Variants in HOOK3 observed in about 807,000 individuals in gnomAD.
The protein encoded by HOOK3 is hook microtubule tethering protein 3.
HOOK3 carries 24 observed loss-of-function variants against 116.3 expected under a neutral mutation model. That is an observed-to-expected ratio of 0.21 (90% CI 0.15 to 0.29). HOOK3 has a LOEUF of 0.29. HOOK3 is among the 10% of genes least tolerant of loss of function. The pLI is 1.00. For synonymous variants in HOOK3, 275 were observed against 283.0 expected, an observed-to-expected ratio of 0.97 and a Z score of 0.28; for missense variants, 632 against 830.2, an observed-to-expected ratio of 0.76 and a Z score of 2.93.
chr8:42,925,610 G>A lies in HOOK3; in HGVS notation c.197G>A (p.Gly66Glu). The A allele has an allele frequency of 6.3e-7, 1 of 1,597,714 alleles. No individual in the cohort carries two copies. Among genetic ancestry groups the A allele is most frequent in the African/African-American group, 1.3e-5 (1 of 74,578 alleles). The change falls in exon 3 of 22, where the codon GGA (glycine) becomes GAA (glutamate). Residue 66 changes from glycine (G) to glutamate (E), a missense_variant. Physicochemically the swap from Gly to Glu is moderately conservative, Grantham distance 98. Coordinates refer to ENST00000307602, the MANE Select transcript of HOOK3 (RefSeq NM_032410.4). ...NWLNRIKTEV[G>E]DNWRLKISNL... is the part of the protein sequence containing the mutation. ...CTAAACAGAATCAAAACTGAAGTAG[G>A]AGATAATTGGAGGCTAAAGGTATTT...
chr8:42,929,405 G>A (rs1270274734), intron 3 of HOOK3, among the ~76,000 whole-genome samples: 3 of 152,142 alleles, frequency 2.0e-5, no homozygotes, highest in Non-Finnish European at 2.9e-5. Context: ...TTTCTAGGAT[G>A]TCTCAACTAC....
intron 17 of HOOK3, among the ~76,000 whole-genome samples, chr8:43,005,938 A>C (rs1586631377): frequency 1.4e-5 from 2 of 144,336 alleles, no homozygotes; most frequent in African/African-American, 2.6e-5. Context: ...CTTGTGATCC[A>C]CCCGCCTTGG....
intron 15 of HOOK3, among the ~76,000 whole-genome samples, chr8:42,996,150 C>T (rs1324709182): frequency 2.0e-5 from 3 of 152,158 alleles, no homozygotes; most frequent in Middle Eastern, 3.4e-3. Context: ...CTTTGGGAGG[C>T]CGAGGCAGGT....
At chr8:42,909,631 T>G (rs550844474) in intron 2 of HOOK3, among the ~76,000 whole-genome samples, 29 of 152,182 alleles carry the variant, frequency 1.9e-4, no homozygotes, top group Non-Finnish European at 2.4e-4. Flanking sequence ...CCCAGCCTTT[T>G]TTGTTGTTGT....
chr8:42,981,177 A>G (rs762668330), intron 13 of HOOK3, among the ~76,000 whole-genome samples: 1 of 150,510 alleles, frequency 6.6e-6, no homozygotes, highest in African/African-American at 2.4e-5. Flanking sequence ...TCAGCCTCCC[A>G]AGTAGCTGGG....
chr8:42,931,496 A>G (rs796463683), intron 4 of HOOK3, among the ~76,000 whole-genome samples: 2 of 146,522 alleles, frequency 1.4e-5, no homozygotes, highest in African/African-American at 5.1e-5. Context: ...CAGTGGCGCA[A>G]TCTCAGCTCA....
At position 43,023,241 on chromosome 8, in the gene HOOK3, T is replaced by C. The variant is rs537053577; in HGVS notation, c.*4743T>C. ...AAAAAAAAAAAAAGAAACATCAGCCTGTATATTCCAGTAGTTCTCACAGAA... is the reference window on the plus strand; with the variant it reads ...AAAAAAAAAAAAAGAAACATCAGCCCGTATATTCCAGTAGTTCTCACAGAA... On this transcript the variant is annotated 3_prime_UTR_variant, in exon 22 of 22. Transcript: ENST00000307602. 34 of 164,976 alleles carry C rather than the reference T, an allele frequency of 2.1e-4. No homozygotes were observed. Among genetic ancestry groups the C allele is most frequent in the Admixed American group, 5.3e-4 (8 of 15,106 alleles). 10.2% of individuals were successfully genotyped at this position (164,976 alleles called of 1,614,324 possible).
chr8:42,975,308 A>G (rs1228843402), intron 13 of HOOK3, among the ~76,000 whole-genome samples: 1 of 152,204 alleles, frequency 6.6e-6, no homozygotes, highest in Non-Finnish European at 1.5e-5. Context: ...TTCATTTCTC[A>G]GTCAGCATTG....
chr8:42,966,437 A>G (rs777764105), intron 9 of HOOK3, 36 bp from the exon 10 acceptor site: 1 of 1,607,780 alleles, frequency 6.2e-7, no homozygotes, highest in South Asian at 1.1e-5. Context: ...GAGGCAGTAA[A>G]TAGTGCTTTC....
chr8:42,939,928 G>A (rs527609719), intron 4 of HOOK3, among the ~76,000 whole-genome samples: 3 of 151,354 alleles, frequency 2.0e-5, no homozygotes, highest in South Asian at 2.1e-4. Flanking sequence ...ATGGGATGGC[G>A]GCCGGGAAGA....
intron 4 of HOOK3, among the ~76,000 whole-genome samples, chr8:42,932,040 A>C (rs1021500925): frequency 6.0e-4 from 91 of 152,054 alleles, no homozygotes; most frequent in Non-Finnish European, 1.0e-3. Flanking sequence ...GTGCCTGGCC[A>C]CCCCATTATA....
chr8:43,013,428 T>C, intron 21 of HOOK3, 28 bp downstream of exon 21: 1 of 1,520,540 alleles, frequency 6.6e-7, no homozygotes, highest in African/African-American at 1.4e-5. Context: ...TGGAGCATAA[T>C]GAAAACTTCA....
At chr8:42,916,520 T>C (rs1026126542) in intron 2 of HOOK3, among the ~76,000 whole-genome samples, 2 of 152,212 alleles carry the variant, frequency 1.3e-5, no homozygotes, top group African/African-American at 4.8e-5. Flanking sequence ...GAATGAGTCC[T>C]TTTAAATTAT....
At chr8:42,933,231 A>ATT (rs1807904507) in intron 4 of HOOK3, among the ~76,000 whole-genome samples, 1 of 152,222 alleles carries the variant, frequency 6.6e-6, no homozygotes, top group Non-Finnish European at 1.5e-5. Context: ...TTAATAATAT[A>ATT]AAAGTGTGAG....
At chr8:43,009,722 A>G (rs1043236544) in intron 18 of HOOK3, among the ~76,000 whole-genome samples, 4 of 152,194 alleles carry the variant, frequency 2.6e-5, no homozygotes, top group Admixed American at 1.3e-4. Flanking sequence ...GTCCAGTGAC[A>G]TTAAGGACAT....
In HOOK3 at chr8:43,018,658, TGTTTTA is replaced by T; in HGVS notation, c.*165_*170del. The T allele has an allele frequency of 1.5e-6, 1 of 689,102 alleles. No homozygotes were observed. Among genetic ancestry groups the T allele is most frequent in the Non-Finnish European group, 2.2e-6 (1 of 462,538 alleles). 42.7% of individuals were successfully genotyped at this position (689,102 alleles called of 1,614,324 possible). A position where few individuals can be genotyped will look rare whatever the true frequency, so the allele number is the denominator to read the frequency against. ...GGACTTTTTCTCTCTCCTGTATCTT[TGTTTTA>T]GTTTCTTTGGTTTTTATTTTGTAGT... is the stretch of plus-strand genomic sequence containing the variant. On this transcript the variant is annotated 3_prime_UTR_variant, in exon 22 of 22. Transcript: ENST00000307602.
intron 13 of HOOK3, among the ~76,000 whole-genome samples, 197 bp from the exon 14 acceptor site, chr8:42,982,430 C>G (rs564815948): frequency 6.6e-6 from 1 of 151,990 alleles, no homozygotes; most frequent in African/African-American, 2.4e-5. Context: ...ATACTGAATG[C>G]CATTCTGTTG....
chr8:42,941,372 G>GT (rs1808119197), intron 4 of HOOK3, among the ~76,000 whole-genome samples: 2 of 151,116 alleles, frequency 1.3e-5, no homozygotes, highest in Non-Finnish European at 3.0e-5. Context: ...AAAAAAATTA[G>GT]GTGGGTGTGG....
chr8:42,932,647 G>C (rs972701659), intron 4 of HOOK3, among the ~76,000 whole-genome samples: 5 of 152,020 alleles, frequency 3.3e-5, no homozygotes, highest in Non-Finnish European at 2.9e-5. Context: ...GCATCCCCTA[G>C]CCTGAGCGTG....
Sources: allele counts gnomAD v4.1 joint callset (sites outside exome capture counted in the v4.1 genomes callset), GRCh38; gene constraint gnomAD v4.1.1; transcripts MANE v1.5; gene names NCBI Gene and HGNC (gene_info 2026-07-23, HGNC 2026-07-21).